The following CADPS2 variants were observed in gnomAD, a reference collection of about 807,000 sequenced individuals.
The protein encoded by CADPS2 is calcium-dependent secretion activator 2.
CADPS2 carries 93 observed loss-of-function variants against 172.5 expected under a neutral mutation model. The observed-to-expected ratio is 0.54, with a 90% confidence interval of 0.46 to 0.64. CADPS2 has a LOEUF of 0.64. Among genes scored for constraint, CADPS2 ranks in the 30% least tolerant of loss-of-function variants. CADPS2 has a pLI of 0.00. For synonymous variants in CADPS2, 546 were observed against 555.2 expected, an observed-to-expected ratio of 0.98 and a Z score of 0.23; for missense variants, 1,420 against 1,565.9, an observed-to-expected ratio of 0.91 and a Z score of 1.57.
rs771101147 is a variant in CADPS2 at position 122,581,336 on chromosome 7, T to C, written c.1224-46A>G. On this transcript the variant is annotated intron_variant, in intron 6 of 29. Coordinates refer to ENST00000449022, the MANE Select transcript of CADPS2 (RefSeq NM_017954.11). ...TGTTTCTTAAAATGCAGCATTATTT[T>C]TTTCCCCAAGGAGATGTGTCTCCAT... The C allele has an allele frequency of 4.1e-5, 61 of 1,502,408 alleles. No individual in the cohort carries two copies. In the Admixed American group the frequency reaches 4.2e-4, roughly 10 times the overall value. 93.1% of individuals were successfully genotyped at this position (1,502,408 alleles called of 1,614,324 possible).
At chr7:122,563,178 C>T (rs1316537407) in intron 7 of CADPS2, among the ~76,000 whole-genome samples, 2 of 152,108 alleles carry the variant, frequency 1.3e-5, no homozygotes, top group African/African-American at 4.8e-5. Context: ...TCCAACACAG[C>T]TATATCTGTG....
intron 11 of CADPS2, among the ~76,000 whole-genome samples, chr7:122,489,266 G>A (rs935423840): frequency 2.0e-5 from 3 of 152,148 alleles, no homozygotes; most frequent in African/African-American, 7.2e-5. Context: ...AAAAAGAGAA[G>A]AGAATAGTTA....
chr7:122,652,674 TCTTTA>T (rs1210152005), intron 3 of CADPS2, among the ~76,000 whole-genome samples: 1 of 152,202 alleles, frequency 6.6e-6, no homozygotes, highest in Non-Finnish European at 1.5e-5. Flanking sequence ...TACATGTTGA[TCTTTA>T]CTTTTTTCTT....
chr7:122,418,923 G>A (rs1293064895), intron 17 of CADPS2, among the ~76,000 whole-genome samples: 1 of 152,152 alleles, frequency 6.6e-6, no homozygotes, highest in African/African-American at 2.4e-5. Context: ...TGCAGAGTTA[G>A]GCTATCTGAA....
Position 122,536,048 on chromosome 7 carries a change from C to A in CADPS2, c.1475+18502G>T, listed in dbSNP as rs71574704. Among the ~76,000 whole-genome samples, 735 of 152,164 alleles carry A rather than the reference C, an allele frequency of 4.8e-3. 1 individual carries two copies. The highest frequency in any genetic ancestry group is 8.7e-3 in the Non-Finnish European group (589 of 67,964). On this transcript the variant is annotated intron_variant, in intron 8 of 29. Transcript: ENST00000449022. ...TGTAGCATGACAAGGCATCCTTATA[C>A]AAATTGCCTTTTGTAATTGGGTTTC...
chr7:122,527,405 C>A (rs1482411497), intron 8 of CADPS2, among the ~76,000 whole-genome samples: 1 of 86,700 alleles, frequency 1.2e-5, no homozygotes. Context: ...TTCTAACTCT[C>A]ACTAATATGC....
At chr7:122,650,771 G>A (rs889096599) in intron 3 of CADPS2, among the ~76,000 whole-genome samples, 1 of 152,056 alleles carries the variant, frequency 6.6e-6, no homozygotes, top group African/African-American at 2.4e-5. Context: ...AAATTACACT[G>A]ACAATTTAAA....
intron 15 of CADPS2, among the ~76,000 whole-genome samples, chr7:122,442,862 A>G (rs948001581): frequency 6.6e-6 from 1 of 151,962 alleles, no homozygotes; most frequent in Non-Finnish European, 1.5e-5. Context: ...GCTGCTACAT[A>G]CTCCGCTACT....
intron 1 of CADPS2, among the ~76,000 whole-genome samples, chr7:122,823,636 G>A (rs558727905): frequency 6.6e-6 from 1 of 152,118 alleles, no homozygotes; most frequent in Non-Finnish European, 1.5e-5. Flanking sequence ...TCAGTAGCAA[G>A]GCTCTATAAT....
intron 2 of CADPS2, among the ~76,000 whole-genome samples, chr7:122,730,238 C>T (rs1363093118): frequency 6.6e-6 from 1 of 151,618 alleles, no homozygotes; most frequent in Non-Finnish European, 1.5e-5. Flanking sequence ...AAATGTTAAA[C>T]TTCACTAATA....
intron 20 of CADPS2, among the ~76,000 whole-genome samples, chr7:122,405,204 A>G (rs1198245004): frequency 2.0e-5 from 3 of 152,202 alleles, no homozygotes; most frequent in Non-Finnish European, 4.4e-5. Flanking sequence ...TAATATATAT[A>G]CTTATTTTTG....
At chr7:122,387,311 G>A in intron 23 of CADPS2, 138 bp from the exon 24 acceptor site, 1 of 768,158 alleles carries the variant, frequency 1.3e-6, no homozygotes, top group East Asian at 2.7e-5. Flanking sequence ...GTGCTTGGGA[G>A]CTAAGGGGTG....
intron 8 of CADPS2, among the ~76,000 whole-genome samples, chr7:122,551,511 T>C (rs1333945350): frequency 6.6e-6 from 1 of 152,026 alleles, no homozygotes; most frequent in East Asian, 1.9e-4. Flanking sequence ...AAACAGAGAA[T>C]ACATGTTACA....
In CADPS2 at chr7:122,705,324, T is replaced by C. The variant is rs114384420; in HGVS notation, c.453+31631A>G. On this transcript the variant is annotated intron_variant, in intron 2 of 29. Coordinates refer to ENST00000449022, the MANE Select transcript of CADPS2 (RefSeq NM_017954.11). ...TGTTCCTTTTAGATCATTTATTCAA[T>C]ACATGGACATTCTTTCTAACAGCCA... Among the ~76,000 whole-genome samples, 879 of 150,630 alleles carry C rather than the reference T, an allele frequency of 5.8e-3. 5 individuals carry two copies. Among genetic ancestry groups the C allele is most frequent in the African/African-American group, 0.02 (838 of 41,046 alleles).
intron 25 of CADPS2, among the ~76,000 whole-genome samples, chr7:122,361,716 CTATTTTA>C (rs1292642654): frequency 1.3e-5 from 2 of 152,084 alleles, no homozygotes; most frequent in East Asian, 3.9e-4. Flanking sequence ...AGATTCCTTT[CTATTTTA>C]TATTACTTGC....
Position 122,480,869 on chromosome 7 carries a change from C to A in CADPS2, c.1853-9G>T. On this transcript the variant is annotated splice_polypyrimidine_tract_variant and intron_variant, in intron 11 of 29. Transcript: ENST00000449022. Reference sequence around the variant, plus strand: ...ATACTTACCTTTACCAGCTACAGGTCAGCAAAGAAATGAGAAACAAAGCAT... The same window carrying A: ...ATACTTACCTTTACCAGCTACAGGTAAGCAAAGAAATGAGAAACAAAGCAT... The A allele has an allele frequency of 6.6e-7, 1 of 1,518,278 alleles. No homozygotes were observed. The highest frequency in any genetic ancestry group is 1.2e-5 in the South Asian group (1 of 80,090). The allele number at this position is 1,518,278 out of a possible 1,614,324, so 94.1% of individuals were successfully genotyped here.
intron 27 of CADPS2, among the ~76,000 whole-genome samples, chr7:122,351,452 T>G (rs1346261373): frequency 1.3e-5 from 2 of 150,828 alleles, no homozygotes; most frequent in Admixed American, 6.6e-5. Context: ...CTTTTTTTTT[T>G]GTTAAATTTA....
At chr7:122,417,468 AAGT>A (rs1462640237) in intron 17 of CADPS2, among the ~76,000 whole-genome samples, 1 of 152,220 alleles carries the variant, frequency 6.6e-6, no homozygotes, top group Non-Finnish European at 1.5e-5. Context: ...TGGCTGTAGG[AAGT>A]AGAAGGCAGT....
intron 6 of CADPS2, among the ~76,000 whole-genome samples, chr7:122,605,592 A>G (rs1187213895): frequency 6.6e-6 from 1 of 152,078 alleles, no homozygotes; most frequent in African/African-American, 2.4e-5. Context: ...TTCTACTGTA[A>G]TATATGTTAA....
Sources: allele counts gnomAD v4.1 joint callset (sites outside exome capture counted in the v4.1 genomes callset), GRCh38; gene constraint gnomAD v4.1.1; transcripts MANE v1.5; gene names NCBI Gene and HGNC (gene_info 2026-07-23, HGNC 2026-07-21).